CCDC120: variants seen among roughly 807,000 people sequenced by gnomAD.
CCDC120 encodes coiled-coil domain containing 120, also known as coiled-coil domain-containing protein 120.
A neutral mutation model predicts 37.6 loss-of-function variants in CCDC120; 16 were observed. The observed-to-expected ratio is 0.43, with a 90% CI of 0.29 to 0.65. The LOEUF (loss-of-function observed/expected upper bound fraction) is 0.65, where lower values mean the gene tolerates loss of function less well. Ranked by LOEUF, CCDC120 falls within the 30% of genes least tolerant of loss-of-function variation. The probability of loss-of-function intolerance (pLI) is 0.18; values close to 1 mark genes in which losing one functional copy is unlikely to be tolerated. For missense variants in CCDC120, 650 were observed against 657.4 expected (o/e 0.99, Z 0.12); for synonymous variants, 309 against 275.4 (o/e 1.12, Z -1.21).
intron 7 of CCDC120, 44 bp from the exon 8 acceptor site, chrX:49,065,410 G>C (rs781860094): frequency 6.2e-6 from 7 of 1,137,065 alleles, no homozygotes; most frequent in Non-Finnish European, 8.2e-6. Context: ...CCCCCTCTGG[G>C]CCCCCCTCAT....
chrX:49,060,222 C>T (rs1602514397), intron 1 of CCDC120, among the ~76,000 whole-genome samples: 2 of 110,019 alleles, frequency 1.8e-5, no homozygotes, highest in Admixed American at 1.9e-4. Flanking sequence ...GTCAGGAGTT[C>T]GAGACCAGCC....
chrX:49,063,719 G>T (rs1230409296), intron 4 of CCDC120, 142 bp from the exon 5 acceptor site: 10 of 603,943 alleles, frequency 1.7e-5, no homozygotes, highest in Non-Finnish European at 2.5e-5. Context: ...GGAGATACTG[G>T]TAGGAGGGAG....
At chrX:49,060,427 CA>C (rs58827125) in intron 1 of CCDC120, among the ~76,000 whole-genome samples, 15 of 42,125 alleles carry the variant, frequency 3.6e-4, no homozygotes, top group Admixed American at 8.1e-4. Flanking sequence ...GCCCTATCTC[CA>C]AAAAAAAAAA....
chrX:49,065,774 C>T lies in CCDC120; in HGVS notation c.990C>T (p.Ala330=). ...CCACACGCTCGCTGCCCAGGAGTGC[C>T]TCCAGTTTTGAGGGGCGAAGTGTGC... The part of the protein sequence containing the change: ...TSPTRSLPRS[A]SSFEGRSVPA... The change falls in exon 9 of 11, where the codon GCC becomes GCT. Residue 330 remains alanine (A), a synonymous_variant. Coordinates refer to ENST00000603986, the MANE Select transcript of CCDC120 (RefSeq NM_001163321.4). 8.5e-7 allele frequency: 1 copy of T among 1,173,008 alleles called. No homozygotes were observed. Among genetic ancestry groups the T allele is most frequent in the Non-Finnish European group, 1.1e-6 (1 of 875,675 alleles).
In CCDC120 at chrX:49,068,683, G is replaced by A. The variant is rs1331399010; in HGVS notation, c.*25G>A. On this transcript the variant is annotated 3_prime_UTR_variant, in exon 11 of 11. Transcript: ENST00000603986. ...ACCCCTTCTGATATGTCCCTTGTTG[G>A]CCTGGGCACGATTCCAATCTGGGGA... 1 of 1,080,314 alleles carries A rather than the reference G, an allele frequency of 9.3e-7. No individual in the cohort carries two copies. Among genetic ancestry groups the A allele is most frequent in the African/African-American group, 1.9e-5 (1 of 52,846 alleles). The allele number at this position is 1,080,314 out of a possible 1,213,427, so 89.0% of individuals were successfully genotyped here.
At chrX:49,066,631 C>G (rs1387532993) in intron 9 of CCDC120, 1 of 112,715 alleles carries the variant, frequency 8.9e-6, no homozygotes, top group Admixed American at 9.5e-5. Context: ...GCTTCTTAAA[C>G]AGAGTGCCTA....
At chrX:49,053,901 G>A (rs1015872382) in intron 1 of CCDC120, 4 of 113,035 alleles carry the variant, frequency 3.5e-5, no homozygotes, top group African/African-American at 1.3e-4. Context: ...CCCGCCTGCG[G>A]AGGAAGGGAG....
intron 6 of CCDC120, among the ~76,000 whole-genome samples, 165 bp downstream of exon 6, chrX:49,064,829 G>A (rs1557080652): frequency 8.9e-6 from 1 of 112,350 alleles, no homozygotes; most frequent in Non-Finnish European, 1.9e-5. Flanking sequence ...GACAAACTGT[G>A]GGGGACTGAT....
At chrX:49,056,519 C>T (rs782093640), upstream of CCDC120, among the ~76,000 whole-genome samples, 3 of 101,357 alleles carry the variant, frequency 3.0e-5, no homozygotes, top group African/African-American at 1.1e-4. Flanking sequence ...CCCAGCTACT[C>T]GGGAGGCTGA....
In CCDC120 at chrX:49,062,583, A is replaced by C; in HGVS notation, c.270A>C (p.Lys90Asn). ...ALSLKLQELR[K>N]VCLQEAELTG... Reference sequence around the variant, plus strand: ...GCCTGAAACTTCAGGAGCTCCGCAAAGTGTGTCTCCAGGAGGCGGTGAGGG... The same window carrying C: ...GCCTGAAACTTCAGGAGCTCCGCAACGTGTGTCTCCAGGAGGCGGTGAGGG... Residue 90 changes from lysine to asparagine, a missense_variant, in exon 4 of 11, where the codon AAA becomes AAC. Around this residue, in one of 3 missense-constraint regions of CCDC120, gnomAD observed 10 missense variants for 27.0 expected, o/e 0.37. Coordinates refer to ENST00000603986, the MANE Select transcript of CCDC120 (RefSeq NM_001163321.4). The C allele has an allele frequency of 8.3e-7, 1 of 1,209,749 alleles. No homozygotes were observed. Among genetic ancestry groups the C allele is most frequent in the Non-Finnish European group, 1.1e-6 (1 of 894,919 alleles).
intron 9 of CCDC120, chrX:49,066,867 A>G (rs1409148015): frequency 2.1e-5 from 6 of 285,885 alleles, no homozygotes; most frequent in Non-Finnish European, 3.7e-5. Flanking sequence ...GATTAGGAAC[A>G]GCCCCCTGCC....
chrX:49,063,227 G>A (rs781946711), intron 4 of CCDC120, among the ~76,000 whole-genome samples: 6 of 107,354 alleles, frequency 5.6e-5, no homozygotes, highest in East Asian at 2.9e-4. Context: ...TTAGCTGGGT[G>A]TGGTGATCCT....
intron 9 of CCDC120, chrX:49,066,945 G>A: frequency 2.4e-6 from 1 of 411,796 alleles, no homozygotes. Flanking sequence ...GGAGCTAACA[G>A]TGCCAGGCCT....
Position 49,068,005 on chromosome X carries a change from GAGGTGGGCC to G in CCDC120, c.1895_1903del (p.Val632_Gln634del). ...ACCCTTCCTCCATGCCCGCTGCTAT[GAGGTGGGCC>G]AGGCGCTGTACGGGGCCCCCAGCCA... On this transcript the variant is annotated inframe_deletion, in exon 10 of 11. Coordinates refer to ENST00000603986, the MANE Select transcript of CCDC120 (RefSeq NM_001163321.4). 8.6e-7 allele frequency: 1 copy of G among 1,164,093 alleles called. No individual in the cohort carries two copies. Among genetic ancestry groups the G allele is most frequent in the Non-Finnish European group, 1.1e-6 (1 of 870,617 alleles).
At chrX:49,064,232 A>G in intron 5 of CCDC120, 138 bp from the exon 6 acceptor site, 2 of 799,927 alleles carry the variant, frequency 2.5e-6, no homozygotes, top group South Asian at 2.8e-5. Flanking sequence ...CCCTTCACCA[A>G]GAGAGGCCCT....
chrX:49,056,625 CAAAAAAAA>C (rs56112125), upstream of CCDC120, among the ~76,000 whole-genome samples: 3 of 47,119 alleles, frequency 6.4e-5, no homozygotes, highest in South Asian at 5.0e-3. Context: ...GACTCCGTCT[CAAAAAAAA>C]AAAAAAAAAA....
At position 49,067,655 on chromosome X, in the gene CCDC120, A is replaced by T; in HGVS notation, c.1541A>T (p.Asp514Val). 1 of 1,201,411 alleles carries T rather than the reference A, an allele frequency of 8.3e-7. No homozygotes were observed. Among genetic ancestry groups the T allele is most frequent in the Non-Finnish European group, 1.1e-6 (1 of 888,865 alleles). ...GTCCCAGGACCCCTCTCCCGCCGGGATGGGCTCCTCACCATGCTCCCCGGC... is the reference window on the plus strand; with the variant it reads ...GTCCCAGGACCCCTCTCCCGCCGGGTTGGGCTCCTCACCATGCTCCCCGGC... ...AEVPGPLSRR[D>V]GLLTMLPGPP... Residue 514 changes from aspartate (D) to valine (V), a missense_variant, in exon 10 of 11, where the codon GAT (aspartate) becomes GTT (valine). Physicochemically the swap from Asp to Val is radical, Grantham distance 152. Around this residue, in one of 3 missense-constraint regions of CCDC120, gnomAD observed 576 missense variants for 565.3 expected, o/e 1.02. Transcript: ENST00000603986.
Position 49,069,329 on chromosome X carries a change from T to TGAAAGAGCCCA in CCDC120, c.*671_*672insGAAAGAGCCCA, listed in dbSNP as rs1557082577. On this transcript the variant is annotated 3_prime_UTR_variant, in exon 11 of 11. Transcript: ENST00000603986. ...GTGAAATCCTCAGGTGAGGTCTGCC[T>TGAAAGAGCCCA]ACGGGCCACGGGCCACTCACCACTC... 1.9e-3 allele frequency: 215 copies of TGAAAGAGCCCA among 112,213 alleles called. No individual in the cohort carries two copies. Among genetic ancestry groups the TGAAAGAGCCCA allele is most frequent in the Non-Finnish European group, 2.3e-3 (123 of 52,833 alleles). The allele number at this position is 112,213 out of a possible 1,213,427, so 9.2% of individuals were successfully genotyped here. A position where few individuals can be genotyped will look rare whatever the true frequency, so the allele number is the denominator to read the frequency against.
In CCDC120 at chrX:49,065,115, C is replaced by G. The variant is rs782183334; in HGVS notation, c.787+17C>G. ...ATGACAACGGTGAGGACTCCTATCCCCCAAACCTGCCCCCGACTCCTACGT... is the reference window on the plus strand; with the variant it reads ...ATGACAACGGTGAGGACTCCTATCCGCCAAACCTGCCCCCGACTCCTACGT... On this transcript the variant is annotated intron_variant, in intron 7 of 10. Coordinates refer to ENST00000603986, the MANE Select transcript of CCDC120 (RefSeq NM_001163321.4). 8.3e-7 allele frequency: 1 copy of G among 1,200,607 alleles called. No individual in the cohort carries two copies. The highest frequency in any genetic ancestry group is 1.1e-6 in the Non-Finnish European group (1 of 885,767).
Sources: allele counts gnomAD v4.1 joint callset (sites outside exome capture counted in the v4.1 genomes callset), GRCh38; gene constraint gnomAD v4.1.1; regional missense constraint gnomAD v4.1.1; transcripts MANE v1.5; gene names NCBI Gene and HGNC (gene_info 2026-07-23, HGNC 2026-07-21).